Variants in STOX2 observed in about 807,000 individuals in gnomAD.
STOX2 encodes storkhead box 2, also known as storkhead-box protein 2.
A neutral mutation model predicts 60.9 loss-of-function variants in STOX2; 28 were observed. The observed-to-expected ratio is 0.46, with a 90% CI of 0.34 to 0.63. The LOEUF (loss-of-function observed/expected upper bound fraction) is 0.63. STOX2 is among the 30% of genes least tolerant of loss of function. The pLI, the probability that STOX2 is intolerant of heterozygous loss-of-function variation, is 0.01. For missense variants in STOX2, 1,024 were observed against 1,187.7 expected (o/e 0.86, Z 2.03); for synonymous variants, 472 against 463.9 (o/e 1.02, Z -0.22).
chr4:183,883,314 T>G (rs1014602149), intron 1 of STOX2, among the ~76,000 whole-genome samples: 2 of 139,806 alleles, frequency 1.4e-5, no homozygotes, highest in Non-Finnish European at 3.1e-5. Context: ...CTGTTTGACA[T>G]GTTATAAATT....
At chr4:183,855,279 C>A (rs1270238652) in intron 1 of STOX2, among the ~76,000 whole-genome samples, 1 of 152,156 alleles carries the variant, frequency 6.6e-6, no homozygotes, top group Non-Finnish European at 1.5e-5. Flanking sequence ...GAAGGGTGCT[C>A]TTCTGTTAGG....
At chr4:183,891,777 T>G (rs1409170106) in intron 1 of STOX2, among the ~76,000 whole-genome samples, 1 of 152,134 alleles carries the variant, frequency 6.6e-6, no homozygotes, top group Non-Finnish European at 1.5e-5. Context: ...TATTCATCAT[T>G]TTTAAAAAAA....
chr4:183,835,872 G>A (rs1349533591), intron 1 of STOX2, among the ~76,000 whole-genome samples: 2 of 152,160 alleles, frequency 1.3e-5, no homozygotes, highest in African/African-American at 4.8e-5. Flanking sequence ...TTTCTCTTGG[G>A]TATACACCTA....
intron 1 of STOX2, among the ~76,000 whole-genome samples, chr4:183,967,080 G>A (rs543381592): frequency 6.6e-6 from 1 of 152,034 alleles, no homozygotes; most frequent in Non-Finnish European, 1.5e-5. Flanking sequence ...GAAGTGAGAG[G>A]GGCTGGGCAC....
At chr4:184,003,942 CCTTT>C (rs999999829) in intron 2 of STOX2, among the ~76,000 whole-genome samples, 2 of 110,786 alleles carry the variant, frequency 1.8e-5, no homozygotes, top group South Asian at 2.9e-4. Flanking sequence ...TCCCTTCCTT[CCTTT>C]GATTTTTTTT....
chr4:183,983,450 G>A (rs146666959), intron 1 of STOX2, among the ~76,000 whole-genome samples: 123 of 152,352 alleles, frequency 8.1e-4, no homozygotes, highest in African/African-American at 2.6e-3. Context: ...GTTTTGAGTC[G>A]AAAGGAGGTT....
intron 1 of STOX2, among the ~76,000 whole-genome samples, chr4:183,961,994 C>T (rs1043205511): frequency 2.6e-5 from 4 of 152,204 alleles, no homozygotes; most frequent in Non-Finnish European, 5.9e-5. Context: ...TGCGGTGACC[C>T]CATGAAGAGA....
intron 1 of STOX2, among the ~76,000 whole-genome samples, chr4:183,817,439 C>T (rs1183623069): frequency 6.6e-6 from 1 of 152,098 alleles, no homozygotes; most frequent in Non-Finnish European, 1.5e-5. Flanking sequence ...ACATAGTAGC[C>T]CTATTTTTGG....
At chr4:183,992,106 C>T (rs2111206522) in intron 1 of STOX2, among the ~76,000 whole-genome samples, 1 of 152,268 alleles carries the variant, frequency 6.6e-6, no homozygotes, top group Non-Finnish European at 1.5e-5. Flanking sequence ...TGACATAGTC[C>T]TTTCATAATG....
In STOX2 at chr4:184,023,102, TAGAA is replaced by T. The variant is rs1455307830; in HGVS notation, c.*5821_*5824del. 1 of 152,166 alleles carries T rather than the reference TAGAA, an allele frequency of 6.6e-6. No homozygotes were observed. Among genetic ancestry groups the T allele is most frequent in the East Asian group, 1.9e-4 (1 of 5,196 alleles). 9.4% of individuals were successfully genotyped at this position (152,166 alleles called of 1,614,324 possible). ...CGTGCAAGTGGGATTTACTGTATGTTAGAAAGGAGTTTTGCAGCCAAGACTGCCT... is the reference window on the plus strand; with the variant it reads ...CGTGCAAGTGGGATTTACTGTATGTTAGGAGTTTTGCAGCCAAGACTGCCT... On this transcript the variant is annotated 3_prime_UTR_variant, in exon 4 of 4. Coordinates refer to ENST00000308497, the MANE Select transcript of STOX2 (RefSeq NM_020225.3).
rs187183061 is a variant in STOX2, at chr4:184,018,135, T to C, written c.*851T>C. 10 of 152,234 alleles carry C rather than the reference T, an allele frequency of 6.6e-5. No individual in the cohort carries two copies. The highest frequency in any genetic ancestry group is 1.5e-4 in the Non-Finnish European group (10 of 68,050). 9.4% of individuals were successfully genotyped at this position (152,234 alleles called of 1,614,324 possible). A position where few individuals can be genotyped will look rare whatever the true frequency, so the allele number is the denominator to read the frequency against. Reference sequence around the variant, plus strand: ...GGACTTGTAAAAGGTGTTACTCAAATATTGAAGGAAGAGAATTTCCTCCTT... The same window carrying C: ...GGACTTGTAAAAGGTGTTACTCAAACATTGAAGGAAGAGAATTTCCTCCTT... On this transcript the variant is annotated 3_prime_UTR_variant, in exon 4 of 4. Transcript: ENST00000308497.
At chr4:183,861,457 G>A (rs1740444774) in intron 1 of STOX2, among the ~76,000 whole-genome samples, 1 of 152,216 alleles carries the variant, frequency 6.6e-6, no homozygotes, top group African/African-American at 2.4e-5. Flanking sequence ...CTCAGCCTGC[G>A]AGAGCCTCTA....
chr4:183,928,679 G>A (rs1742315949), intron 1 of STOX2, among the ~76,000 whole-genome samples: 1 of 152,038 alleles, frequency 6.6e-6, no homozygotes. Context: ...TATCTCCACG[G>A]GCCTGTTCTC....
At chr4:183,948,621 T>C (rs1215640175) in intron 1 of STOX2, among the ~76,000 whole-genome samples, 1 of 139,352 alleles carries the variant, frequency 7.2e-6, no homozygotes, top group Non-Finnish European at 1.5e-5. Flanking sequence ...AACCTCTGCC[T>C]CCCGGGTTCA....
chr4:183,849,395 C>A (rs980356523), intron 1 of STOX2, among the ~76,000 whole-genome samples: 1 of 152,152 alleles, frequency 6.6e-6, no homozygotes, highest in African/African-American at 2.4e-5. Context: ...TAGCCTCAGC[C>A]TACTACATAT....
chr4:183,870,712 A>G (rs1740669062), intron 1 of STOX2, among the ~76,000 whole-genome samples: 1 of 152,222 alleles, frequency 6.6e-6, no homozygotes. Flanking sequence ...CTTTGTCTTT[A>G]TATGGTCTTT....
chr4:184,001,318 T>C lies in STOX2; in HGVS notation c.167-7T>C. The C allele has an allele frequency of 6.2e-7, 1 of 1,613,370 alleles. No individual in the cohort carries two copies. The highest frequency in any genetic ancestry group is 8.5e-7 in the Non-Finnish European group (1 of 1,179,420). The stretch of plus-strand genomic sequence containing the variant: ...GAACCACTCACTTGAAAATTGTCTT[T>C]CTGCAGGTGATGTATCACCCATCAG... On this transcript the variant is annotated splice_region_variant and splice_polypyrimidine_tract_variant and intron_variant, in intron 1 of 3. Coordinates refer to ENST00000308497, the MANE Select transcript of STOX2 (RefSeq NM_020225.3). The surrounding 1 kb of genome is among the most constrained non-coding windows in gnomAD (Gnocchi z 4.2).
intron 1 of STOX2, among the ~76,000 whole-genome samples, chr4:183,871,010 A>G (rs1458954743): frequency 6.6e-6 from 1 of 152,232 alleles, no homozygotes; most frequent in Non-Finnish European, 1.5e-5. Context: ...GGCTTACTGG[A>G]TGGCTGCCTA....
chr4:183,985,175 T>G (rs1345961206), intron 1 of STOX2, among the ~76,000 whole-genome samples: 2 of 152,240 alleles, frequency 1.3e-5, no homozygotes, highest in Non-Finnish European at 2.9e-5. Flanking sequence ...TTGGTCCATG[T>G]GCCAAGTAAG....
Sources: allele counts gnomAD v4.1 joint callset (sites outside exome capture counted in the v4.1 genomes callset), GRCh38; gene constraint gnomAD v4.1.1; non-coding constraint Gnocchi (gnomAD v3.1); transcripts MANE v1.5; gene names NCBI Gene and HGNC (gene_info 2026-07-23, HGNC 2026-07-21).